RALGAPA1: variants seen among roughly 807,000 people sequenced by gnomAD.
RALGAPA1 encodes the protein Ral GTPase activating protein catalytic subunit alpha 1.
A neutral mutation model predicts 269.6 loss-of-function variants in RALGAPA1; 52 were observed. The ratio of observed to expected loss-of-function variants is 0.19; its 90% CI spans 0.15 to 0.24. The LOEUF (loss-of-function observed/expected upper bound fraction) is 0.24, where lower values mean the gene tolerates loss of function less well. Among genes scored for constraint, RALGAPA1 ranks in the 10% least tolerant of loss-of-function variants. The pLI is 1.00. For synonymous variants in RALGAPA1, 817 were observed against 1,008.3 expected (o/e 0.81, Z 3.60); for missense variants, 1,917 against 3,013.9 (o/e 0.64, Z 8.52).
chr14:35,780,583 ATG>A (rs2075360987), intron 1 of RALGAPA1, among the ~76,000 whole-genome samples: 1 of 152,256 alleles, frequency 6.6e-6, no homozygotes, highest in Non-Finnish European at 1.5e-5. Context: ...ACTCACAAAT[ATG>A]TGGAAATTTA....
intron 41 of RALGAPA1, among the ~76,000 whole-genome samples, chr14:35,540,238 A>G (rs2053844178): frequency 6.6e-6 from 1 of 152,220 alleles, no homozygotes; most frequent in South Asian, 2.1e-4. Flanking sequence ...AGGTATTTAA[A>G]GACGGCTTTA....
At chr14:35,629,380 T>C (rs2061196224) in intron 33 of RALGAPA1, among the ~76,000 whole-genome samples, 1 of 152,170 alleles carries the variant, frequency 6.6e-6, no homozygotes, top group Admixed American at 6.6e-5. Flanking sequence ...TGTATTATTC[T>C]ACCACAGTAA....
intron 37 of RALGAPA1, among the ~76,000 whole-genome samples, chr14:35,593,944 T>C (rs1045765179): frequency 2.0e-5 from 3 of 151,934 alleles, no homozygotes; most frequent in Non-Finnish European, 4.4e-5. Context: ...CAGAAGCATA[T>C]ACCAGTGGAA....
At chr14:35,774,147 G>A (rs886264616) in intron 3 of RALGAPA1, among the ~76,000 whole-genome samples, 2 of 152,012 alleles carry the variant, frequency 1.3e-5, no homozygotes, top group Admixed American at 1.3e-4. Flanking sequence ...TCTAACTCCT[G>A]AGCTCAAATG....
chr14:35,705,416 A>G (rs1010539863), intron 16 of RALGAPA1, among the ~76,000 whole-genome samples: 2 of 151,766 alleles, frequency 1.3e-5, no homozygotes, highest in African/African-American at 4.8e-5. Context: ...AATGTCATAT[A>G]TTTGAAATCA....
intron 35 of RALGAPA1, among the ~76,000 whole-genome samples, chr14:35,607,697 A>G (rs1366022546): frequency 1.3e-5 from 2 of 152,218 alleles, no homozygotes; most frequent in Non-Finnish European, 2.9e-5. Flanking sequence ...GCAGGTTATA[A>G]GGACAAAGAA....
chr14:35,720,661 T>TCACAC (rs1246584531), intron 16 of RALGAPA1, among the ~76,000 whole-genome samples: 1 of 152,064 alleles, frequency 6.6e-6, no homozygotes, highest in African/African-American at 2.4e-5. Context: ...GTGCCATGGC[T>TCACAC]CACACCTGTG....
intron 31 of RALGAPA1, among the ~76,000 whole-genome samples, chr14:35,651,303 T>C (rs2062813740): frequency 6.6e-6 from 1 of 152,070 alleles, no homozygotes; most frequent in African/African-American, 2.4e-5. Context: ...AAAAAGTAAC[T>C]CTAGAACTGG....
intron 10 of RALGAPA1, among the ~76,000 whole-genome samples, chr14:35,745,057 C>A (rs751248380): frequency 6.6e-6 from 1 of 152,166 alleles, no homozygotes; most frequent in Non-Finnish European, 1.5e-5. Flanking sequence ...TATGTCCTTG[C>A]AGGTTCCAAA....
At position 35,627,681 on chromosome 14, in the gene RALGAPA1, C is replaced by T. The variant is rs149714413; in HGVS notation, c.6266G>A (p.Gly2089Asp). The T allele has an allele frequency of 3.8e-6, 6 of 1,590,690 alleles. No homozygotes were observed. The highest frequency in any genetic ancestry group is 4.3e-6 in the Non-Finnish European group (5 of 1,172,048). Residue 2089 changes from glycine (G) to aspartate (D), a missense_variant, in exon 34 of 42, where the codon GGT (glycine) becomes GAT (aspartate). Physicochemically the swap from Gly to Asp is moderately conservative, Grantham distance 94. Transcript: ENST00000680220. ...GGCTGATGCAAGGCCAGCAGATAAA[C>T]CTCCTCCAGGCATATTCTCTTCTGA... ...IRSEENMPGG[G>D]LSAGLASANS...
rs185796762 is a variant in RALGAPA1 at position 35,771,979 on chromosome 14, C to G, written c.268-980G>C. On this transcript the variant is annotated intron_variant, in intron 3 of 41. Coordinates refer to ENST00000680220, the MANE Select transcript of RALGAPA1 (RefSeq NM_001346249.2). Reference sequence around the variant, plus strand: ...AGAAAGTATTTTGATTTCATGAGAACCCCATCAAATATTTATACTGAGTTA... The same window carrying G: ...AGAAAGTATTTTGATTTCATGAGAAGCCCATCAAATATTTATACTGAGTTA... Among the ~76,000 whole-genome samples, 16 of 152,292 alleles carry G rather than the reference C, an allele frequency of 1.1e-4. No homozygotes were observed. The East Asian group carries it at 3.1e-3, about 29-fold the overall frequency.
intron 16 of RALGAPA1, among the ~76,000 whole-genome samples, chr14:35,712,546 T>TC (rs2068449333): frequency 1.3e-5 from 2 of 152,194 alleles, no homozygotes; most frequent in South Asian, 4.2e-4. Flanking sequence ...ACTTGCTCTG[T>TC]CACCCAGGCT....
chr14:35,682,875 C>T (rs908419150), intron 21 of RALGAPA1, among the ~76,000 whole-genome samples: 12 of 152,082 alleles, frequency 7.9e-5, no homozygotes, highest in African/African-American at 2.9e-4. Flanking sequence ...TGCTAAAGTT[C>T]TTGCCATCTG....
intron 39 of RALGAPA1, among the ~76,000 whole-genome samples, chr14:35,551,981 T>TC (rs1278444681): frequency 6.6e-6 from 1 of 152,178 alleles, no homozygotes; most frequent in Non-Finnish European, 1.5e-5. Context: ...ACTACAGTGC[T>TC]CATCACTTAT....
At chr14:35,808,236 G>C (rs1480414414) in intron 1 of RALGAPA1, among the ~76,000 whole-genome samples, 1 of 152,136 alleles carries the variant, frequency 6.6e-6, no homozygotes, top group Admixed American at 6.5e-5. Context: ...TTAACAAAAG[G>C]GCGGGGCTCC....
chr14:35,752,276 C>A, intron 7 of RALGAPA1, 114 bp from the exon 8 acceptor site: 6 of 1,169,718 alleles, frequency 5.1e-6, no homozygotes, highest in Non-Finnish European at 6.8e-6. Context: ...ACTGTTAACA[C>A]TAAAGATCAT....
At chr14:35,676,095 G>A (rs1318833352) in intron 22 of RALGAPA1, 1 of 152,054 alleles carries the variant, frequency 6.6e-6, no homozygotes, top group Non-Finnish European at 1.5e-5. Context: ...CCCTACTCCA[G>A]AGCACCTTCA....
chr14:35,748,668 G>A lies in RALGAPA1; in HGVS notation c.1168C>T (p.His390Tyr), dbSNP rs751851395. Reference protein sequence around the residue: ...SSSLCSIDEEHLTDIEIVRRV... With the variant: ...SSSLCSIDEEYLTDIEIVRRV... ...CGAACTATTTCAATGTCTGTGAGAT[G>A]TTCTTCATCAATACTACAGAGACTA... The change falls in exon 10 of 42, where the codon CAT (histidine) becomes TAT (tyrosine). Residue 390 changes from histidine to tyrosine, a missense_variant. By Grantham distance (83) the His-to-Tyr change is moderately conservative. Coordinates refer to ENST00000680220, the MANE Select transcript of RALGAPA1 (RefSeq NM_001346249.2). 9.9e-6 allele frequency: 16 copies of A among 1,612,918 alleles called. No homozygotes were observed. Among genetic ancestry groups the A allele is most frequent in the East Asian group, 2.2e-5 (1 of 44,818 alleles).
intron 39 of RALGAPA1, among the ~76,000 whole-genome samples, chr14:35,566,133 G>GA (rs565408565): frequency 5.3e-5 from 8 of 150,462 alleles, no homozygotes; most frequent in Non-Finnish European, 1.0e-4. Context: ...TCCCCTGCCT[G>GA]AAAAAAAAAG....
Sources: allele counts gnomAD v4.1 joint callset (sites outside exome capture counted in the v4.1 genomes callset), GRCh38; gene constraint gnomAD v4.1.1; transcripts MANE v1.5; gene names NCBI Gene and HGNC (gene_info 2026-07-23, HGNC 2026-07-21).